SHQ1: variants seen among roughly 807,000 people sequenced by gnomAD.
SHQ1 encodes protein SHQ1 homolog.
In SHQ1, 49 loss-of-function variants were observed where a neutral mutation model predicts 53.8. The observed-to-expected ratio is 0.91, with a 90% confidence interval of 0.72 to 1.16. The LOEUF is 1.16. Ranked by LOEUF, SHQ1 falls within the 50% of genes most tolerant of loss-of-function variation. The probability of loss-of-function intolerance (pLI) is 0.00; values close to 1 mark genes in which losing one functional copy is unlikely to be tolerated. For missense variants in SHQ1, 738 were observed against 683.1 expected, an observed-to-expected ratio of 1.08 and a Z score of -0.90; for synonymous variants, 243 against 251.0, an observed-to-expected ratio of 0.97 and a Z score of 0.30.
intron 10 of SHQ1, among the ~76,000 whole-genome samples, chr3:72,784,166 A>G: frequency 1.1e-5 from 1 of 87,970 alleles, no homozygotes; most frequent in South Asian, 2.8e-4. Flanking sequence ...ATTACAAATT[A>G]AAAAAAAAAA....
At chr3:72,827,369 A>G (rs1367087398) in intron 5 of SHQ1, among the ~76,000 whole-genome samples, 1 of 152,124 alleles carries the variant, frequency 6.6e-6, no homozygotes, top group East Asian at 1.9e-4. Flanking sequence ...CCCAGGAAGA[A>G]CTGGCACAGT....
intron 9 of SHQ1, among the ~76,000 whole-genome samples, chr3:72,807,873 ATAAG>A (rs1707001617): frequency 6.6e-6 from 1 of 152,198 alleles, no homozygotes; most frequent in Non-Finnish European, 1.5e-5. Context: ...TTAATAATTG[ATAAG>A]TAAGGGCTAT....
At chr3:72,747,772 G>C (rs1460468198), downstream of SHQ1, among the ~76,000 whole-genome samples, 1 of 152,200 alleles carries the variant, frequency 6.6e-6, no homozygotes, top group Non-Finnish European at 1.5e-5. Flanking sequence ...TGGATCACCT[G>C]AGGTCAGGAG....
intron 4 of SHQ1, among the ~76,000 whole-genome samples, chr3:72,833,284 T>C (rs893864256): frequency 4.6e-5 from 7 of 151,864 alleles, no homozygotes; most frequent in Admixed American, 2.6e-4. Flanking sequence ...CCACAAAAAA[T>C]ACAAAAATTA....
In SHQ1 at chr3:72,841,167, C is replaced by A. The variant is rs200756921; in HGVS notation, c.364G>T (p.Asp122Tyr). ...TCAATTTCCCAATCAAACTCTTCAT[C>A]GTCAACTACTTCCTCAGGAATCTCA... Reference protein sequence around the residue: ...ASEIPEEVVDDEEFDWEIEQT... With the variant: ...ASEIPEEVVDYEEFDWEIEQT... The change falls in exon 4 of 11, where the codon GAT (aspartate) becomes TAT (tyrosine). Residue 122 changes from aspartate (D) to tyrosine (Y), a missense_variant. Transcript: ENST00000325599. 1.2e-6 allele frequency: 2 copies of A among 1,613,176 alleles called. No homozygotes were observed. Among genetic ancestry groups the A allele is most frequent in the Admixed American group, 3.3e-5 (2 of 59,838 alleles).
chr3:72,727,689 A>AC, the SHQ1 span, among the ~76,000 whole-genome samples: 1 of 152,268 alleles, frequency 6.6e-6, no homozygotes, highest in East Asian at 1.9e-4. Flanking sequence ...CTAAATTCAT[A>AC]CCTCAGCTAA....
chr3:72,805,043 A>G (rs757550340), intron 9 of SHQ1, among the ~76,000 whole-genome samples: 28 of 152,248 alleles, frequency 1.8e-4, no homozygotes, highest in Non-Finnish European at 3.2e-4. Context: ...CCAGTATAGC[A>G]TATGACTGTC....
the SHQ1 span, among the ~76,000 whole-genome samples, chr3:72,744,139 T>A: frequency 6.6e-6 from 1 of 152,170 alleles, no homozygotes; most frequent in African/African-American, 2.4e-5. Flanking sequence ...TCTGGGCTGG[T>A]GGTCAAACTA....
intron 5 of SHQ1, among the ~76,000 whole-genome samples, chr3:72,824,765 G>T (rs1707596279): frequency 1.3e-5 from 2 of 150,366 alleles, no homozygotes; most frequent in South Asian, 4.2e-4. Context: ...CTGCCTAAAG[G>T]GATATATAAC....
chr3:72,833,993 T>C (rs1314588513), intron 4 of SHQ1, among the ~76,000 whole-genome samples: 2 of 152,206 alleles, frequency 1.3e-5, no homozygotes, highest in African/African-American at 2.4e-5. Context: ...AACAGACTTA[T>C]AGGTTGGTGC....
intron 1 of SHQ1, 69 bp from the exon 2 acceptor site, chr3:72,844,492 G>T: frequency 8.6e-7 from 1 of 1,166,388 alleles, no homozygotes; most frequent in Non-Finnish European, 1.3e-6. Flanking sequence ...ATCAATACTT[G>T]CAAACATTTA....
the SHQ1 span, among the ~76,000 whole-genome samples, chr3:72,737,835 A>C: frequency 9.9e-5 from 15 of 152,246 alleles, no homozygotes; most frequent in African/African-American, 3.6e-4. Context: ...ATGGAGGGCC[A>C]GCTGTATTGG....
chr3:72,838,453 C>G (rs1181572694), intron 4 of SHQ1, among the ~76,000 whole-genome samples: 2 of 152,162 alleles, frequency 1.3e-5, no homozygotes, highest in African/African-American at 4.8e-5. Flanking sequence ...ATGATTAAGC[C>G]ATTTTAAAAG....
chr3:72,769,617 T>C (rs1289104178), intron 10 of SHQ1, among the ~76,000 whole-genome samples: 2 of 152,218 alleles, frequency 1.3e-5, no homozygotes, highest in Non-Finnish European at 2.9e-5. Flanking sequence ...TCAAGACTTC[T>C]ACTCCACTAG....
chr3:72,785,442 A>G (rs1056516417), intron 10 of SHQ1, among the ~76,000 whole-genome samples: 6 of 152,248 alleles, frequency 3.9e-5, no homozygotes, highest in African/African-American at 1.4e-4. Context: ...TGGAGGTCAC[A>G]TAGCGAAATT....
the SHQ1 span, among the ~76,000 whole-genome samples, chr3:72,742,599 T>A: frequency 1.4e-5 from 2 of 146,618 alleles, no homozygotes; most frequent in Non-Finnish European, 3.0e-5. Flanking sequence ...GAAAGAGTTG[T>A]TCTTTTTTTT....
intron 9 of SHQ1, among the ~76,000 whole-genome samples, chr3:72,806,631 A>G (rs891545722): frequency 6.6e-6 from 1 of 152,234 alleles, no homozygotes; most frequent in African/African-American, 2.4e-5. Flanking sequence ...AGCAAATCTC[A>G]GCATCAGATA....
chr3:72,812,416 G>A (rs1008464106), intron 9 of SHQ1, among the ~76,000 whole-genome samples: 6 of 152,054 alleles, frequency 3.9e-5, no homozygotes, highest in African/African-American at 1.2e-4. Flanking sequence ...AATGTAAAAC[G>A]GTTTGCAATA....
intron 10 of SHQ1, chr3:72,773,422 A>T (rs182291604): frequency 2.3e-6 from 1 of 426,186 alleles, no homozygotes; most frequent in Non-Finnish European, 4.6e-6. Context: ...TAGATGAGTG[A>T]AATCCCCATC....
Sources: allele counts gnomAD v4.1 joint callset (sites outside exome capture counted in the v4.1 genomes callset), GRCh38; gene constraint gnomAD v4.1.1; transcripts MANE v1.5; gene names NCBI Gene and HGNC (gene_info 2026-07-23, HGNC 2026-07-21).